ARMCX1: variants seen among roughly 807,000 people sequenced by gnomAD.
ARMCX1 encodes armadillo repeat-containing X-linked protein 1.
ARMCX1 carries 4 observed loss-of-function variants against 15.4 expected under a neutral mutation model. The ratio of observed to expected loss-of-function variants is 0.26; its 90% confidence interval spans 0.13 to 0.59. The LOEUF is 0.59. ARMCX1 is among the 20% of genes least tolerant of loss of function. ARMCX1 has a pLI of 0.89. For synonymous variants in ARMCX1, 144 were observed against 130.5 expected, an observed-to-expected ratio of 1.10 and a Z score of -0.71; for missense variants, 273 against 337.1, an observed-to-expected ratio of 0.81 and a Z score of 1.49.
At chrX:101,552,196 A>G (rs1000683827) in intron 3 of ARMCX1, among the ~76,000 whole-genome samples, 78 of 110,847 alleles carry the variant, frequency 7.0e-4, no homozygotes, top group African/African-American at 2.5e-3. Context: ...GAGGATGCCA[A>G]TGATGGGAGT....
Position 101,554,145 on chromosome X carries a change from C to G in ARMCX1, c.1215C>G (p.Leu405=). 8.3e-7 allele frequency: 1 copy of G among 1,210,605 alleles called. No homozygotes were observed. The highest frequency in any genetic ancestry group is 1.1e-6 in the Non-Finnish European group (1 of 895,062). The change falls in exon 4 of 4, where the codon CTC becomes CTG. Residue 405 remains leucine, a synonymous_variant. Coordinates refer to ENST00000372829, the MANE Select transcript of ARMCX1 (RefSeq NM_016608.2). ...NINDNIKNEG[L]ASSRKEFSRS... The stretch of plus-strand genomic sequence containing the variant: ...ATGACAACATAAAAAATGAAGGGCT[C>G]GCATCATCCAGGAAAGAATTCAGCA...
At position 101,554,002 on chromosome X, in the gene ARMCX1, C is replaced by G. The variant is rs781851474; in HGVS notation, c.1072C>G (p.Pro358Ala). The G allele has an allele frequency of 8.3e-7, 1 of 1,210,831 alleles. No individual in the cohort carries two copies. The highest frequency in any genetic ancestry group is 1.1e-6 in the Non-Finnish European group (1 of 894,968). Residue 358 changes from proline to alanine, a missense_variant, in exon 4 of 4, where the codon CCA becomes GCA. Physicochemically the swap from Pro to Ala is conservative, Grantham distance 27. Around this residue, in one of 2 missense-constraint regions of ARMCX1, gnomAD observed 126 missense variants for 193.6 expected, o/e 0.65. Coordinates refer to ENST00000372829, the MANE Select transcript of ARMCX1 (RefSeq NM_016608.2). Reference protein sequence around the residue: ...MKLIINFTENPAMTRELVSCK... With the variant: ...MKLIINFTENAAMTRELVSCK... ...ACTAATTATAAACTTTACTGAAAAT[C>G]CAGCCATGACAAGAGAGCTGGTCAG...
chrX:101,554,195 A>G lies in ARMCX1; in HGVS notation c.1265A>G (p.Lys422Arg), dbSNP rs782819950. 9.1e-6 allele frequency: 11 copies of G among 1,209,840 alleles called. No homozygotes were observed. The highest frequency in any genetic ancestry group is 8.9e-6 in the Non-Finnish European group (8 of 894,551). ...FSRSSLFFLF[K>R]ESGVCVKKIK... is the part of the protein sequence containing the mutation. ...AGAAGTTCACTTTTTTTCTTATTCA[A>G]AGAGTCTGGAGTTTGTGTTAAGAAA... Residue 422 changes from lysine to arginine, a missense_variant, in exon 4 of 4, where the codon AAA (lysine) becomes AGA (arginine). Physicochemically the swap from Lys to Arg is conservative, Grantham distance 26 (BLOSUM62 2). Around this residue, in one of 2 missense-constraint regions of ARMCX1, gnomAD observed 126 missense variants for 193.6 expected, o/e 0.65. Transcript: ENST00000372829.
At position 101,553,050 on chromosome X, in the gene ARMCX1, A is replaced by G; in HGVS notation, c.120A>G (p.Glu40=). ...GRDENEKIWD[E]DEESTDTSEI... ...ACGAGAACGAGAAAATCTGGGACGA[A>G]GACGAGGAGTCTACGGACACCTCAG... The change falls in exon 4 of 4, where the codon GAA becomes GAG. Residue 40 remains glutamate, a synonymous_variant. Coordinates refer to ENST00000372829, the MANE Select transcript of ARMCX1 (RefSeq NM_016608.2). 1 of 1,211,823 alleles carries G rather than the reference A, an allele frequency of 8.3e-7. No homozygotes were observed. The highest frequency in any genetic ancestry group is 1.1e-6 in the Non-Finnish European group (1 of 895,546).
chrX:101,550,679 G>GT lies in ARMCX1; in HGVS notation c.-242+21dup, dbSNP rs1370852297. 4.4e-5 allele frequency: 5 copies of GT among 112,561 alleles called. No individual in the cohort carries two copies. The highest frequency in any genetic ancestry group is 9.4e-5 in the Non-Finnish European group (5 of 53,441). 9.3% of individuals were successfully genotyped at this position (112,561 alleles called of 1,213,427 possible). On this transcript the variant is annotated intron_variant, in intron 1 of 3. Coordinates refer to ENST00000372829, the MANE Select transcript of ARMCX1 (RefSeq NM_016608.2). ...CCAGCAGGTTTGTGTGTGGATGGGC[G>GT]TTGCCAGGGGATCCCTGCGGCGCGG...
rs35047340 is a variant in ARMCX1 at position 101,554,690 on chromosome X, G to GAAA, written c.*406_*408dup. 1.2e-3 allele frequency: 142 copies of GAAA among 116,053 alleles called. No homozygotes were observed. Among genetic ancestry groups the GAAA allele is most frequent in the Admixed American group, 2.1e-3 (21 of 9,809 alleles). The allele number at this position is 116,053 out of a possible 1,213,427, so 9.6% of individuals were successfully genotyped here. ...CAATAAAGTTGTGTTTTAAGCAGCA[G>GAAA]AAAAAAAAAAGACGTTGTCCTTGTC... On this transcript the variant is annotated 3_prime_UTR_variant, in exon 4 of 4. Transcript: ENST00000372829.
At position 101,553,854 on chromosome X, in the gene ARMCX1, G is replaced by C; in HGVS notation, c.924G>C (p.Gly308=). Residue 308 remains glycine, a synonymous_variant, in exon 4 of 4, where the codon GGG becomes GGC. Transcript: ENST00000372829. ...CRLDSAVQMA[G]LRLLTNMTVT... ...TGGACTCAGCTGTGCAGATGGCTGGGCTAAGACTGTTAACCAACATGACTG... is the reference window on the plus strand; with the variant it reads ...TGGACTCAGCTGTGCAGATGGCTGGCCTAAGACTGTTAACCAACATGACTG... The C allele has an allele frequency of 8.3e-7, 1 of 1,211,515 alleles. No homozygotes were observed.
At chrX:101,552,025 G>GC (rs1410023796) in intron 3 of ARMCX1, among the ~76,000 whole-genome samples, 1 of 56,733 alleles carries the variant, frequency 1.8e-5, no homozygotes, top group Non-Finnish European at 3.1e-5. Flanking sequence ...TGGGGGGGGG[G>GC]GGCGGCGGTG....
At position 101,554,341 on chromosome X, in the gene ARMCX1, G is replaced by A. The variant is rs1935413205; in HGVS notation, c.*49G>A. On this transcript the variant is annotated 3_prime_UTR_variant, in exon 4 of 4. Transcript: ENST00000372829. ...TTGAGATATTTGCAGTTGGTACGAT[G>A]TGATTTGTAAATTCTTTGTTTTTCA... The A allele has an allele frequency of 9.1e-7, 1 of 1,102,167 alleles. No homozygotes were observed. The allele number at this position is 1,102,167 out of a possible 1,213,427, so 90.8% of individuals were successfully genotyped here.
Position 101,553,482 on chromosome X carries a change from A to G in ARMCX1, c.552A>G (p.Thr184=). Residue 184 remains threonine, a synonymous_variant, in exon 4 of 4, where the codon ACA becomes ACG. Coordinates refer to ENST00000372829, the MANE Select transcript of ARMCX1 (RefSeq NM_016608.2). ...AGAGCACCAGGGCTCCAGCTACAAC[A>G]TGGCCTGTCCGGAGAGGCAAGTTCA... is the stretch of plus-strand genomic sequence containing the variant. ...RSKSTRAPAT[T]WPVRRGKFNF... 1 of 1,210,501 alleles carries G rather than the reference A, an allele frequency of 8.3e-7. No individual in the cohort carries two copies. Among genetic ancestry groups the G allele is most frequent in the Non-Finnish European group, 1.1e-6 (1 of 894,914 alleles).
chrX:101,551,225 A>G (rs1556026880), intron 2 of ARMCX1, among the ~76,000 whole-genome samples: 1 of 110,259 alleles, frequency 9.1e-6, no homozygotes, highest in African/African-American at 3.3e-5. Flanking sequence ...GGAATAGAAG[A>G]GATCGGTTGG....
At position 101,553,142 on chromosome X, in the gene ARMCX1, A is replaced by G. The variant is rs1556027303; in HGVS notation, c.212A>G (p.Gln71Arg). 1 of 1,211,642 alleles carries G rather than the reference A, an allele frequency of 8.3e-7. No individual in the cohort carries two copies. ...GGGGCAGGGTCTGGGGCCAAACTTCAGGGTGATTCAGAGGTCAAGCCTGAG... is the reference window on the plus strand; with the variant it reads ...GGGGCAGGGTCTGGGGCCAAACTTCGGGGTGATTCAGAGGTCAAGCCTGAG... ...NAGAGSGAKL[Q>R]GDSEVKPEVS... is the part of the protein sequence containing the mutation. The change falls in exon 4 of 4, where the codon CAG (glutamine) becomes CGG (arginine). Residue 71 changes from glutamine (Q) to arginine (R), a missense_variant. Transcript: ENST00000372829.
At chrX:101,551,310 T>C (rs1291478877) in intron 2 of ARMCX1, among the ~76,000 whole-genome samples, 1 of 109,197 alleles carries the variant, frequency 9.2e-6, no homozygotes, top group African/African-American at 3.3e-5. Context: ...AGGGGTGTGG[T>C]TTTGCTGGGA....
Position 101,553,451 on chromosome X carries a change from G to T in ARMCX1, c.521G>T (p.Arg174Leu). 8.3e-7 allele frequency: 1 copy of T among 1,206,114 alleles called. No homozygotes were observed. The highest frequency in any genetic ancestry group is 1.1e-6 in the Non-Finnish European group (1 of 892,690). Residue 174 changes from arginine to leucine, a missense_variant, in exon 4 of 4, where the codon CGA becomes CTA. Physicochemically the swap from Arg to Leu is moderately radical, Grantham distance 102 (BLOSUM62 -2). Transcript: ENST00000372829. The stretch of plus-strand genomic sequence containing the variant: ...AGTGGAAAATCCAAGGGAAAGGCCC[G>T]AAGTAAGAGCACCAGGGCTCCAGCT... Reference protein sequence around the residue: ...RASGKSKGKARSKSTRAPATT... With the variant: ...RASGKSKGKALSKSTRAPATT...
chrX:101,552,171 G>T (rs1159861327), intron 3 of ARMCX1, among the ~76,000 whole-genome samples: 1 of 110,689 alleles, frequency 9.0e-6, no homozygotes, highest in Non-Finnish European at 1.9e-5. Context: ...ATGAAAATGT[G>T]TGGCGACATC....
Position 101,553,506 on chromosome X carries a change from C to T in ARMCX1, c.576C>T (p.Phe192=). 1 of 1,211,253 alleles carries T rather than the reference C, an allele frequency of 8.3e-7. No individual in the cohort carries two copies. The highest frequency in any genetic ancestry group is 1.1e-6 in the Non-Finnish European group (1 of 895,207). ...CATGGCCTGTCCGGAGAGGCAAGTT[C>T]AACTTTCCTTATAAAATTGATGATA... ...ATTWPVRRGK[F]NFPYKIDDIL... The change falls in exon 4 of 4, where the codon TTC becomes TTT. Residue 192 remains phenylalanine (F), a synonymous_variant. Transcript: ENST00000372829.
Position 101,553,174 on chromosome X carries a change from T to C in ARMCX1, c.244T>C (p.Leu82=), listed in dbSNP as rs1556027309. The C allele has an allele frequency of 2.5e-6, 3 of 1,211,777 alleles. No homozygotes were observed. The highest frequency in any genetic ancestry group is 4.6e-4 in the Middle Eastern group (2 of 4,356). The part of the protein sequence containing the change: ...GDSEVKPEVS[L]GLEDCPGVKE... ...TTCAGAGGTCAAGCCTGAGGTGAGT[T>C]TGGGACTCGAGGATTGTCCGGGTGT... The change falls in exon 4 of 4, where the codon TTG becomes CTG. Residue 82 remains leucine (L), a synonymous_variant. Transcript: ENST00000372829.
Position 101,553,552 on chromosome X carries a change from C to A in ARMCX1, c.622C>A (p.Gln208Lys). 2 of 1,211,888 alleles carry A rather than the reference C, an allele frequency of 1.7e-6. No homozygotes were observed. Among genetic ancestry groups the A allele is most frequent in the Non-Finnish European group, 2.2e-6 (2 of 895,442 alleles). ...TGATATTCTGAGTGCTCCCGACCTC[C>A]AAAAGGTCCTCAACATCCTGGAGCG... ...IDDILSAPDL[Q>K]KVLNILERTN... is the part of the protein sequence containing the mutation. Residue 208 changes from glutamine (Q) to lysine (K), a missense_variant, in exon 4 of 4, where the codon CAA becomes AAA. Gln to Lys is a moderately conservative substitution (Grantham distance 53, BLOSUM62 1). Around this residue, in one of 2 missense-constraint regions of ARMCX1, gnomAD observed 126 missense variants for 193.6 expected, o/e 0.65. Transcript: ENST00000372829.
intron 3 of ARMCX1, among the ~76,000 whole-genome samples, 160 bp from the exon 4 acceptor site, chrX:101,552,649 G>A (rs1298982355): frequency 4.5e-5 from 5 of 111,184 alleles, no homozygotes; most frequent in Non-Finnish European, 9.4e-5. Context: ...CTTAGCTTCC[G>A]GGTGGAAGAA....
Sources: allele counts gnomAD v4.1 joint callset (sites outside exome capture counted in the v4.1 genomes callset), GRCh38; gene constraint gnomAD v4.1.1; regional missense constraint gnomAD v4.1.1; transcripts MANE v1.5; gene names NCBI Gene and HGNC (gene_info 2026-07-23, HGNC 2026-07-21).